SS18L2: variants seen among roughly 807,000 people sequenced by gnomAD.
The protein encoded by SS18L2 is SS18 like 2.
A neutral mutation model predicts 10.3 loss-of-function variants in SS18L2; 8 were observed. The observed-to-expected ratio is 0.78, with a 90% CI of 0.46 to 1.41. SS18L2 has a LOEUF of 1.41. SS18L2 is among the 40% of genes most tolerant of loss of function. SS18L2 has a pLI of 0.00. For synonymous variants in SS18L2, 41 were observed against 34.6 expected (o/e 1.19, Z -0.65); for missense variants, 100 against 96.2 (o/e 1.04, Z -0.17).
At chr3:42,591,698 G>T in intron 2 of SS18L2, 97 bp downstream of exon 2, 1 of 873,552 alleles carries the variant, frequency 1.1e-6, no homozygotes, top group Non-Finnish European at 1.9e-6. Flanking sequence ...GTGATTGATC[G>T]CAGTTAAGCC....
At chr3:42,587,944 A>G (rs575628202), upstream of SS18L2, among the ~76,000 whole-genome samples, 69 of 150,984 alleles carry the variant, frequency 4.6e-4, no homozygotes, top group East Asian at 0.012. Context: ...GTGGTGGTGC[A>G]TGCCTGTAAT....
upstream of SS18L2, among the ~76,000 whole-genome samples, chr3:42,586,941 A>G (rs1180542232): frequency 1.3e-5 from 2 of 152,130 alleles, no homozygotes; most frequent in East Asian, 3.8e-4. Flanking sequence ...AAGGGGCATC[A>G]CCAGTTTCTC....
At chr3:42,587,577 A>AT (rs1168187861), upstream of SS18L2, 1 of 151,876 alleles carries the variant, frequency 6.6e-6, no homozygotes, top group Non-Finnish European at 1.5e-5. Context: ...AAAAAAAAAA[A>AT]TACAAAAAAT....
Position 42,596,555 on chromosome 3 carries a change from T to C in SS18L2, c.*2046T>C, listed in dbSNP as rs963855642. On this transcript the variant is annotated 3_prime_UTR_variant, in exon 3 of 3. Coordinates refer to ENST00000011691, the MANE Select transcript of SS18L2 (RefSeq NM_001370300.1). ...TCTTTGGATACCAACTTTCTACCACTCTTGGAAGAGATGGAGGAGGTGTCA... is the reference window on the plus strand; with the variant it reads ...TCTTTGGATACCAACTTTCTACCACCCTTGGAAGAGATGGAGGAGGTGTCA... 6.6e-6 allele frequency among the ~76,000 whole-genome samples: 1 copy of C among 152,204 alleles called. No homozygotes were observed. Among genetic ancestry groups the C allele is most frequent in the African/African-American group, 2.4e-5 (1 of 41,430 alleles).
At chr3:42,586,942 C>T (rs558482677), upstream of SS18L2, among the ~76,000 whole-genome samples, 1 of 152,310 alleles carries the variant, frequency 6.6e-6, no homozygotes, top group East Asian at 1.9e-4. Flanking sequence ...AGGGGCATCA[C>T]CAGTTTCTCA....
upstream of SS18L2, among the ~76,000 whole-genome samples, chr3:42,588,009 G>T (rs1235530747): frequency 1.3e-5 from 2 of 150,422 alleles, no homozygotes; most frequent in African/African-American, 4.9e-5. Context: ...GGAGGTGGAG[G>T]TTGCAGTGAG....
upstream of SS18L2, among the ~76,000 whole-genome samples, chr3:42,590,109 CATT>C (rs71616052): frequency 0.17 from 26,130 of 152,138 alleles, 2,709 homozygotes; most frequent in African/African-American, 0.29. Flanking sequence ...ACCTAATAAG[CATT>C]ATTCCTGCCC....
At chr3:42,589,120 T>A (rs987228453), upstream of SS18L2, among the ~76,000 whole-genome samples, 3 of 148,866 alleles carry the variant, frequency 2.0e-5, no homozygotes, top group South Asian at 6.5e-4. Flanking sequence ...AAAAAAAAAA[T>A]TAGCCGGGTG....
upstream of SS18L2, among the ~76,000 whole-genome samples, chr3:42,590,585 C>CAA (rs1211821938): frequency 7.4e-6 from 1 of 134,850 alleles, no homozygotes. Context: ...GACTCCATCT[C>CAA]AAAAAAAAAA....
chr3:42,584,599 G>C (rs558024417), intron 1 of SS18L2, among the ~76,000 whole-genome samples: 132 of 152,300 alleles, frequency 8.7e-4, no homozygotes, highest in South Asian at 7.2e-3. Flanking sequence ...GGCGGAAATC[G>C]AAGTGGGGCT....
chr3:42,586,990 T>C (rs1704633836), upstream of SS18L2, among the ~76,000 whole-genome samples: 1 of 152,120 alleles, frequency 6.6e-6, no homozygotes, highest in Admixed American at 6.5e-5. Context: ...ATCCCTAATT[T>C]CCCTTTTCTT....
chr3:42,583,228 G>A (rs1242399415), intron 1 of SS18L2, among the ~76,000 whole-genome samples: 1 of 152,226 alleles, frequency 6.6e-6, no homozygotes, highest in Non-Finnish European at 1.5e-5. Context: ...CAGAGCTATG[G>A]TGGGACTGGC....
intron 1 of SS18L2, among the ~76,000 whole-genome samples, chr3:42,583,538 G>C (rs1330562731): frequency 6.6e-6 from 1 of 152,222 alleles, no homozygotes; most frequent in Non-Finnish European, 1.5e-5. Flanking sequence ...GCACCTTTGA[G>C]ACTTGGTTAG....
upstream of SS18L2, among the ~76,000 whole-genome samples, chr3:42,586,191 C>T (rs552570934): frequency 6.6e-6 from 1 of 152,260 alleles, no homozygotes; most frequent in African/African-American, 2.4e-5. Flanking sequence ...ACTGAAAATG[C>T]CCTCCTCAAA....
At chr3:42,585,645 T>C (rs1206784136) in intron 1 of SS18L2, among the ~76,000 whole-genome samples, 4 of 152,194 alleles carry the variant, frequency 2.6e-5, no homozygotes, top group East Asian at 1.9e-4. Flanking sequence ...AATATACTTA[T>C]ATTCCTTGCA....
chr3:42,590,930 G>A lies in SS18L2; in HGVS notation c.33G>A (p.Arg11=), dbSNP rs1476033667. The change falls in exon 1 of 3, where the codon AGG becomes AGA. Residue 11 remains arginine (R), a synonymous_variant. Transcript: ENST00000011691. ...TGGCCTTCGTACCGGACTGGCTGAG[G>A]GGCAAGGCGGAAGTCAATCAAGAGA... is the stretch of plus-strand genomic sequence containing the variant. MSVAFVPDWL[R]GKAEVNQETI... is the part of the protein sequence containing the mutation. 5.6e-6 allele frequency: 9 copies of A among 1,612,966 alleles called. No individual in the cohort carries two copies. In the Admixed American group the frequency reaches 1.5e-4, roughly 27 times the overall value.
chr3:42,588,003 G>A (rs1233842646), upstream of SS18L2, among the ~76,000 whole-genome samples: 2 of 151,872 alleles, frequency 1.3e-5, no homozygotes, highest in African/African-American at 2.4e-5. Context: ...AACCCCGGAG[G>A]TGGAGGTTGC....
chr3:42,593,895 C>CTAGTA (rs1232404403), intron 2 of SS18L2, among the ~76,000 whole-genome samples: 1 of 152,054 alleles, frequency 6.6e-6, no homozygotes, highest in Non-Finnish European at 1.5e-5. Flanking sequence ...GAAAAGCCCC[C>CTAGTA]TAGTAGGAGT....
chr3:42,594,555 A>G lies in SS18L2; in HGVS notation c.*46A>G, dbSNP rs766005019. On this transcript the variant is annotated 3_prime_UTR_variant, in exon 3 of 3. Transcript: ENST00000011691. ...AATCTTCCATTTGGCTGTCGTGAGG[A>G]GTAATTGAATGTAATCCATCTCTTA... 4.0e-6 allele frequency: 6 copies of G among 1,517,278 alleles called. No homozygotes were observed. In the Admixed American group the frequency reaches 1.0e-4, roughly 25 times the overall value. 94.0% of individuals were successfully genotyped at this position (1,517,278 alleles called of 1,614,324 possible).
Sources: allele counts gnomAD v4.1 joint callset (sites outside exome capture counted in the v4.1 genomes callset), GRCh38; gene constraint gnomAD v4.1.1; transcripts MANE v1.5; gene names NCBI Gene and HGNC (gene_info 2026-07-23, HGNC 2026-07-21).